Variants in THSD7B observed in about 807,000 individuals in gnomAD.
The protein encoded by THSD7B is thrombospondin type-1 domain-containing protein 7B.
THSD7B carries 138 observed loss-of-function variants against 213.6 expected under a neutral mutation model. The ratio of observed to expected loss-of-function variants is 0.65; its 90% CI spans 0.56 to 0.74. The LOEUF is 0.74. Among genes scored for constraint, THSD7B ranks in the 30% least tolerant of loss-of-function variants. The pLI, the probability that THSD7B is intolerant of heterozygous loss-of-function variation, is 0.00. For missense variants in THSD7B, 1,931 were observed against 1,991.5 expected, an observed-to-expected ratio of 0.97 and a Z score of 0.58; for synonymous variants, 742 against 687.0, an observed-to-expected ratio of 1.08 and a Z score of -1.25.
intron 3 of THSD7B, among the ~76,000 whole-genome samples, chr2:137,080,664 C>T (rs1687730121): frequency 6.6e-6 from 1 of 151,996 alleles, no homozygotes; most frequent in Non-Finnish European, 1.5e-5. Flanking sequence ...CACCTGGTAC[C>T]TATAATTTTA....
At chr2:137,673,236 A>G (rs1683617996) in intron 27 of THSD7B, among the ~76,000 whole-genome samples, 1 of 150,346 alleles carries the variant, frequency 6.7e-6, no homozygotes, top group Admixed American at 6.7e-5. Context: ...TCCTTTGCTA[A>G]AATGCAAATG....
At chr2:137,182,143 T>A (rs1680467262) in intron 7 of THSD7B, among the ~76,000 whole-genome samples, 1 of 152,162 alleles carries the variant, frequency 6.6e-6, no homozygotes, top group South Asian at 2.1e-4. Context: ...GAAGATAATA[T>A]GAAAGGGAAA....
intron 15 of THSD7B, among the ~76,000 whole-genome samples, chr2:137,452,724 A>G (rs779069304): frequency 1.5e-4 from 23 of 152,270 alleles, no homozygotes; most frequent in Middle Eastern, 3.4e-3. Context: ...CAGTATGTGT[A>G]GGCAAATGTA....
intron 1 of THSD7B, among the ~76,000 whole-genome samples, chr2:136,817,933 T>C (rs1334316043): frequency 1.3e-5 from 2 of 150,954 alleles, no homozygotes; most frequent in African/African-American, 4.9e-5. Context: ...ATAGGAACAC[T>C]TTTACACTGT....
chr2:136,821,736 T>C (rs141282422), intron 1 of THSD7B, among the ~76,000 whole-genome samples: 104 of 152,220 alleles, frequency 6.8e-4, no homozygotes, highest in African/African-American at 2.1e-3. Flanking sequence ...ATTCTTAGTA[T>C]AGGCAATGTG....
intron 17 of THSD7B, among the ~76,000 whole-genome samples, chr2:137,605,706 G>T (rs577284205): frequency 8.4e-6 from 1 of 118,660 alleles, no homozygotes. Flanking sequence ...GTCCTGCTCC[G>T]TCGCCAGGCT....
chr2:137,328,030 G>A (rs1375088014), intron 12 of THSD7B, among the ~76,000 whole-genome samples: 2 of 152,080 alleles, frequency 1.3e-5, no homozygotes. Context: ...CATTGATATG[G>A]GGATTTTAGT....
At chr2:137,420,308 T>A (rs1018646149) in intron 14 of THSD7B, among the ~76,000 whole-genome samples, 6 of 152,170 alleles carry the variant, frequency 3.9e-5, no homozygotes, top group African/African-American at 1.4e-4. Flanking sequence ...ACCTATCTAC[T>A]TTCCTCCTGC....
intron 15 of THSD7B, among the ~76,000 whole-genome samples, chr2:137,553,377 C>T (rs961679437): frequency 1.3e-4 from 20 of 152,206 alleles, no homozygotes; most frequent in African/African-American, 3.9e-4. Context: ...AGTAAGACCC[C>T]GCTTCCAAGT....
chr2:136,836,164 T>C (rs1046562484), intron 1 of THSD7B, among the ~76,000 whole-genome samples: 1 of 152,200 alleles, frequency 6.6e-6, no homozygotes, highest in Admixed American at 6.5e-5. Flanking sequence ...AATATTATTG[T>C]ATTATTTAAC....
At chr2:137,529,723 T>C (rs2105177836) in intron 15 of THSD7B, among the ~76,000 whole-genome samples, 1 of 151,904 alleles carries the variant, frequency 6.6e-6, no homozygotes, top group African/African-American at 2.4e-5. Context: ...AAAAAAATCA[T>C]CAGAAGAATT....
At chr2:137,027,258 C>T (rs960325492) in intron 2 of THSD7B, among the ~76,000 whole-genome samples, 2 of 152,120 alleles carry the variant, frequency 1.3e-5, no homozygotes, top group African/African-American at 4.8e-5. Context: ...GGCTCTTTCT[C>T]GCTTAGAGAG....
intron 5 of THSD7B, among the ~76,000 whole-genome samples, chr2:137,151,969 C>T (rs990735155): frequency 8.0e-5 from 12 of 150,714 alleles, no homozygotes; most frequent in African/African-American, 7.3e-5. Context: ...CCTTTGCACC[C>T]GGTTGCCACT....
At chr2:137,155,090 A>G (rs1191920111) in intron 5 of THSD7B, among the ~76,000 whole-genome samples, 4 of 152,244 alleles carry the variant, frequency 2.6e-5, no homozygotes, top group Non-Finnish European at 5.9e-5. Flanking sequence ...CATATGTGCA[A>G]TCACTTATAA....
In THSD7B at chr2:137,074,569, C is replaced by T. The variant is rs1028518318; in HGVS notation, c.950+17339C>T. On this transcript the variant is annotated intron_variant, in intron 3 of 27. Coordinates refer to ENST00000409968, the MANE Select transcript of THSD7B (RefSeq NM_001316349.2). ...GCCAGTCTGTGTCTTTTAATTGGAG[C>T]GTTTAGCCCATTTACATTTAAAGTT... 3.7e-4 allele frequency among the ~76,000 whole-genome samples: 56 copies of T among 152,196 alleles called. No individual in the cohort carries two copies. In the Middle Eastern group the frequency reaches 0.014, roughly 37 times the overall value.
chr2:137,444,739 A>T (rs534964147), intron 14 of THSD7B, among the ~76,000 whole-genome samples: 1 of 152,162 alleles, frequency 6.6e-6, no homozygotes, highest in African/African-American at 2.4e-5. Context: ...CCTCAAAAGC[A>T]TAGGCCACAA....
chr2:137,172,062 C>T (rs1328459273), intron 7 of THSD7B, among the ~76,000 whole-genome samples: 1 of 152,100 alleles, frequency 6.6e-6, no homozygotes, highest in African/African-American at 2.4e-5. Context: ...AGATCACTTT[C>T]GTATTGCTTT....
chr2:137,586,825 C>G (rs1008070247), intron 17 of THSD7B, among the ~76,000 whole-genome samples: 1 of 152,182 alleles, frequency 6.6e-6, no homozygotes, highest in Non-Finnish European at 1.5e-5. Context: ...TGGAGTTGCT[C>G]TCCTTGAGGA....
In THSD7B at chr2:137,506,506, T is replaced by C. The variant is rs577553459; in HGVS notation, c.3138+55483T>C. On this transcript the variant is annotated intron_variant, in intron 15 of 27. Transcript: ENST00000409968. ...TGTATTTCTCCAAGTAGACTGAACCTACCTGCCTGTGATTCTCTGTGATTC... is the reference window on the plus strand; with the variant it reads ...TGTATTTCTCCAAGTAGACTGAACCCACCTGCCTGTGATTCTCTGTGATTC... Among the ~76,000 whole-genome samples the C allele has an allele frequency of 2.6e-5, 4 of 152,376 alleles. No individual in the cohort carries two copies. The South Asian group carries it at 8.3e-4, about 32-fold the overall frequency.
Sources: gnomAD v4.1 joint callset for allele counts (sites outside exome capture counted in the v4.1 genomes callset) on GRCh38, gnomAD v4.1.1 for gene constraint, MANE v1.5 for transcripts, NCBI Gene and HGNC (gene_info 2026-07-23, HGNC 2026-07-21) for gene names.